The following CACNA1C variants were observed in gnomAD, a reference collection of about 807,000 sequenced individuals.
The protein encoded by CACNA1C is voltage-dependent L-type calcium channel subunit alpha-1C.
A neutral mutation model predicts 229.0 loss-of-function variants in CACNA1C; 30 were observed. The observed-to-expected ratio is 0.13, with a 90% confidence interval of 0.10 to 0.18. The LOEUF is 0.18. Among genes scored for constraint, CACNA1C ranks in the 10% least tolerant of loss-of-function variants. The pLI is 1.00. For missense variants in CACNA1C, 1,658 were observed against 2,845.0 expected (o/e 0.58, Z 9.49); for synonymous variants, 1,114 against 1,132.5 (o/e 0.98, Z 0.33).
At chr12:2,161,911 A>G (rs1260361408) in intron 3 of CACNA1C, among the ~76,000 whole-genome samples, 1 of 152,226 alleles carries the variant, frequency 6.6e-6, no homozygotes, top group Admixed American at 6.5e-5. Flanking sequence ...ACTCAAAAAT[A>G]TATCCTGACC....
At chr12:2,308,719 AG>A (rs2095246303) in intron 3 of CACNA1C, among the ~76,000 whole-genome samples, 1 of 152,254 alleles carries the variant, frequency 6.6e-6, no homozygotes, top group Non-Finnish European at 1.5e-5. Flanking sequence ...ATTTTTCTAA[AG>A]AAGACATGCA....
intron 3 of CACNA1C, among the ~76,000 whole-genome samples, chr12:2,140,985 G>A (rs1262408442): frequency 1.3e-5 from 2 of 151,162 alleles, no homozygotes; most frequent in African/African-American, 4.8e-5. Context: ...GAGCGGGTAG[G>A]CAGGGAGGGT....
intron 42 of CACNA1C, chr12:2,682,186 T>TG: frequency 6.4e-6 from 4 of 623,150 alleles, no homozygotes; most frequent in South Asian, 4.1e-5. Context: ...TGGAGGTGAG[T>TG]GGGGGGCAGC....
chr12:2,537,400 A>G (rs185415743), intron 9 of CACNA1C, among the ~76,000 whole-genome samples: 39 of 152,352 alleles, frequency 2.6e-4, no homozygotes, highest in South Asian at 2.1e-3. Flanking sequence ...ACCTCAGTTA[A>G]TGTATGTAAA....
At chr12:2,276,976 G>A (rs1446288409) in intron 3 of CACNA1C, among the ~76,000 whole-genome samples, 1 of 152,200 alleles carries the variant, frequency 6.6e-6, no homozygotes, top group Non-Finnish European at 1.5e-5. Flanking sequence ...AAATCCCAGC[G>A]CCTCTGCCAC....
At chr12:2,004,360 G>A (rs1245034156) in intron 1 of CACNA1C, 2 of 1,613,256 alleles carry the variant, frequency 1.2e-6, no homozygotes, top group Non-Finnish European at 1.7e-6. Context: ...TATAGGGGTC[G>A]TGGCGCTGCA....
chr12:2,136,729 C>A (rs1396022534), intron 3 of CACNA1C, among the ~76,000 whole-genome samples: 1 of 151,072 alleles, frequency 6.6e-6, no homozygotes, highest in Non-Finnish European at 1.5e-5. Context: ...AAAGGGGAGG[C>A]CTTTTCATCT....
chr12:2,121,500 T>C (rs2086710500), intron 3 of CACNA1C, among the ~76,000 whole-genome samples: 1 of 152,342 alleles, frequency 6.6e-6, no homozygotes, highest in South Asian at 2.1e-4. Context: ...CGCTGATGCA[T>C]AGCAGGTAAG....
At position 2,346,783 on chromosome 12, in the gene CACNA1C, G is replaced by C. The variant is rs2097045055; in HGVS notation, c.478-102193G>C. Among the ~76,000 whole-genome samples the C allele has an allele frequency of 1.3e-5, 2 of 152,184 alleles. No homozygotes were observed. Among genetic ancestry groups the C allele is most frequent in the African/African-American group, 4.8e-5 (2 of 41,410 alleles). On this transcript the variant is annotated intron_variant, in intron 3 of 46. Coordinates refer to ENST00000399655, the MANE Select transcript of CACNA1C (RefSeq NM_000719.7). This position sits in a 1 kb window ranked among gnomAD's most constrained non-coding sequence, Gnocchi z 4.4. The stretch of plus-strand genomic sequence containing the variant: ...AAACTTGATTTTGCATCCAGCTCAT[G>C]ATAAGCATATAGCAGCATATACACA...
intron 11 of CACNA1C, among the ~76,000 whole-genome samples, chr12:2,557,443 GC>G (rs1300042604): frequency 1.3e-5 from 2 of 152,162 alleles, no homozygotes; most frequent in African/African-American, 2.4e-5. Flanking sequence ...AGGGTCCTCA[GC>G]CCCCATCTGC....
In CACNA1C at chr12:2,630,682, A is replaced by G. The variant is rs574240812; in HGVS notation, c.3829-3615A>G. On this transcript the variant is annotated intron_variant, in intron 29 of 46. Transcript: ENST00000399655. This position sits in a 1 kb window ranked among gnomAD's most constrained non-coding sequence, Gnocchi z 5.4. ...TTAAAGGGACCCTGTTTGTGCCCAG[A>G]CATGTACCCTCACCCACTGCATTCC... Among the ~76,000 whole-genome samples, 1 of 152,266 alleles carries G rather than the reference A, an allele frequency of 6.6e-6. No individual in the cohort carries two copies. Among genetic ancestry groups the G allele is most frequent in the Non-Finnish European group, 1.5e-5 (1 of 68,012 alleles).
intron 3 of CACNA1C, among the ~76,000 whole-genome samples, chr12:2,248,062 G>GTA (rs1290235425): frequency 1.3e-5 from 2 of 152,158 alleles, no homozygotes; most frequent in Non-Finnish European, 2.9e-5. Flanking sequence ...TAAGTTCTAT[G>GTA]TATATATGTG....
At position 2,688,779 on chromosome 12, in the gene CACNA1C, G is replaced by T; in HGVS notation, c.6117G>T (p.Ala2039=). The T allele has an allele frequency of 6.6e-7, 1 of 1,519,492 alleles. No homozygotes were observed. The highest frequency in any genetic ancestry group is 8.8e-7 in the Non-Finnish European group (1 of 1,134,848). 94.1% of individuals were successfully genotyped at this position (1,519,492 alleles called of 1,614,324 possible). The change falls in exon 46 of 47, where the codon GCG becomes GCT. Residue 2039 remains alanine, a splice_region_variant and synonymous_variant. Transcript: ENST00000399655. ...FHGSASSLVE[A]VLISEGLGQF... is the part of the protein sequence containing the mutation. ...GCAGTGCCAGCAGCCTGGTGGAAGC[G>T]GTAGGTGACTCGCAGATGGGCAGGG...
rs181478647 is a variant in CACNA1C, at chr12:2,285,397, C to T, written c.478-163579C>T. On this transcript the variant is annotated intron_variant, in intron 3 of 46. Transcript: ENST00000399655. The surrounding 1 kb of genome is among the most constrained non-coding windows in gnomAD (Gnocchi z 4.2). Reference sequence around the variant, plus strand: ...GTTGCTAAAACATTTAACAACATACCACTGGCTGGAACCACTTGTGAAGGT... The same window carrying T: ...GTTGCTAAAACATTTAACAACATACTACTGGCTGGAACCACTTGTGAAGGT... Among the ~76,000 whole-genome samples, 1 of 152,288 alleles carries T rather than the reference C, an allele frequency of 6.6e-6. No homozygotes were observed. The highest frequency in any genetic ancestry group is 1.9e-4 in the East Asian group (1 of 5,178).
intron 5 of CACNA1C, among the ~76,000 whole-genome samples, chr12:2,465,836 G>T (rs567307423): frequency 2.0e-5 from 3 of 152,058 alleles, no homozygotes; most frequent in Admixed American, 6.6e-5. Flanking sequence ...AGCTGTCACC[G>T]CTCTCTCCCA....
chr12:2,463,100 A>AT (rs1416761664), intron 5 of CACNA1C, among the ~76,000 whole-genome samples: 13 of 162 alleles, frequency 0.08, no homozygotes, highest in South Asian at 0.5. Context: ...TTTAGTAGAG[A>AT]CGGGTTTCAC....
At position 2,649,597 on chromosome 12, in the gene CACNA1C, C is replaced by T. The variant is rs926490026; in HGVS notation, c.3945+1090C>T. 6.6e-5 allele frequency among the ~76,000 whole-genome samples: 10 copies of T among 152,102 alleles called. No homozygotes were observed. The highest frequency in any genetic ancestry group is 1.3e-4 in the Non-Finnish European group (9 of 68,040). ...TGAGTTTATTCTCCTTCTCGAGCAG[C>T]ATTAGGAAACTGCAGCCACAGGGGA... On this transcript the variant is annotated intron_variant, in intron 31 of 46. Transcript: ENST00000399655. The surrounding 1 kb of genome is among the most constrained non-coding windows in gnomAD (Gnocchi z 4.4).
chr12:2,387,536 CG>C (rs2098414160), intron 3 of CACNA1C, among the ~76,000 whole-genome samples: 2 of 150,216 alleles, frequency 1.3e-5, no homozygotes, highest in Non-Finnish European at 3.0e-5. Context: ...GAACTAAGAG[CG>C]AAAGAAAGAA....
rs570385169 is a variant in CACNA1C, at chr12:2,632,761, T to C, written c.3829-1536T>C. Among the ~76,000 whole-genome samples, 12 of 152,244 alleles carry C rather than the reference T, an allele frequency of 7.9e-5. No individual in the cohort carries two copies. The South Asian group carries it at 2.5e-3, about 32-fold the overall frequency. On this transcript the variant is annotated intron_variant, in intron 29 of 46. Transcript: ENST00000399655. The surrounding 1 kb of genome is among the most constrained non-coding windows in gnomAD (Gnocchi z 4.1). ...GAAACGCTTTGATCACCGCGTGCCC[T>C]CTGCGCGGCGTCTGCATTCAGCAGG...
Sources: gnomAD v4.1 joint callset for allele counts (sites outside exome capture counted in the v4.1 genomes callset) on GRCh38, gnomAD v4.1.1 for gene constraint, Gnocchi (gnomAD v3.1) non-coding constraint, MANE v1.5 for transcripts, NCBI Gene and HGNC (gene_info 2026-07-23, HGNC 2026-07-21) for gene names.